Variants in CDC42BPB observed in about 807,000 individuals in gnomAD.
The protein encoded by CDC42BPB is CDC42 binding protein kinase beta.
A neutral mutation model predicts 214.9 loss-of-function variants in CDC42BPB; 37 were observed. That is an observed-to-expected ratio of 0.17 (90% CI 0.13 to 0.23). CDC42BPB has a LOEUF of 0.23. Ranked by LOEUF, CDC42BPB falls within the 10% of genes least tolerant of loss-of-function variation. The pLI, the probability that CDC42BPB is intolerant of heterozygous loss-of-function variation, is 1.00. For synonymous variants in CDC42BPB, 931 were observed against 884.0 expected, an observed-to-expected ratio of 1.05 and a Z score of -0.94; for missense variants, 1,694 against 2,227.0, an observed-to-expected ratio of 0.76 and a Z score of 4.82.
intron 2 of CDC42BPB, among the ~76,000 whole-genome samples, chr14:103,011,165 C>T (rs1467933157): frequency 6.6e-6 from 1 of 152,242 alleles, no homozygotes; most frequent in Non-Finnish European, 1.5e-5. Flanking sequence ...CGAGGCAGGT[C>T]TGTGGAGATG....
intron 19 of CDC42BPB, among the ~76,000 whole-genome samples, chr14:102,964,187 C>A (rs558045205): frequency 1.3e-5 from 2 of 152,368 alleles, no homozygotes; most frequent in East Asian, 3.9e-4. Flanking sequence ...AGAGGGGCTC[C>A]TGTCAGACAG....
At chr14:102,952,670 G>A in intron 23 of CDC42BPB, 67 bp from the exon 24 acceptor site, 1 of 1,568,494 alleles carries the variant, frequency 6.4e-7, no homozygotes, top group African/African-American at 1.3e-5. Context: ...CCATCTGCCT[G>A]TGATCCAGTT....
intron 13 of CDC42BPB, chr14:102,970,464 G>A: frequency 1.4e-6 from 1 of 734,396 alleles, no homozygotes; most frequent in Non-Finnish European, 1.7e-6. Context: ...ATAAAACAAG[G>A]TTCAATTCTA....
intron 7 of CDC42BPB, 100 bp downstream of exon 7, chr14:102,983,456 C>T (rs1894097528): frequency 6.5e-7 from 1 of 1,527,720 alleles, no homozygotes; most frequent in Non-Finnish European, 8.8e-7. Flanking sequence ...TCCTCAACTA[C>T]TCGCGTTGCT....
intron 11 of CDC42BPB, among the ~76,000 whole-genome samples, chr14:102,975,406 C>T (rs1205122265): frequency 1.3e-5 from 2 of 151,972 alleles, no homozygotes; most frequent in African/African-American, 4.8e-5. Context: ...GCCTGTAATC[C>T]CAGCTACTTG....
intron 1 of CDC42BPB, among the ~76,000 whole-genome samples, chr14:103,043,929 T>C (rs753176155): frequency 5.3e-5 from 8 of 152,252 alleles, no homozygotes; most frequent in Non-Finnish European, 1.2e-4. Flanking sequence ...CTTATCATTT[T>C]GGTTACATAA....
intron 1 of CDC42BPB, among the ~76,000 whole-genome samples, chr14:103,030,412 G>A (rs575625452): frequency 6.6e-6 from 1 of 152,288 alleles, no homozygotes; most frequent in African/African-American, 2.4e-5. Flanking sequence ...ATGTGTTCAG[G>A]TGGCCAGGCA....
chr14:103,025,861 G>A (rs1037907985), intron 1 of CDC42BPB, among the ~76,000 whole-genome samples: 11 of 150,548 alleles, frequency 7.3e-5, no homozygotes, highest in African/African-American at 2.4e-4. Flanking sequence ...TGAATCACAC[G>A]GATGTATGTG....
intron 1 of CDC42BPB, among the ~76,000 whole-genome samples, chr14:103,022,658 G>C (rs1224572587): frequency 6.6e-6 from 1 of 152,222 alleles, no homozygotes; most frequent in Non-Finnish European, 1.5e-5. Flanking sequence ...TGATCCAGCT[G>C]TTAGGGGGCA....
intron 1 of CDC42BPB, among the ~76,000 whole-genome samples, chr14:103,023,978 C>A (rs1886913712): frequency 6.6e-6 from 1 of 152,116 alleles, no homozygotes; most frequent in East Asian, 1.9e-4. Flanking sequence ...CGGTGCCCAC[C>A]CCGGCCCCAG....
intron 9 of CDC42BPB, 129 bp from the exon 10 acceptor site, chr14:102,976,178 T>C (rs1206535108): frequency 6.8e-7 from 1 of 1,462,144 alleles, no homozygotes. Context: ...GATAAGACTT[T>C]ATGGTTTATG....
At chr14:102,994,027 A>G (rs1894612777) in intron 5 of CDC42BPB, among the ~76,000 whole-genome samples, 1 of 152,210 alleles carries the variant, frequency 6.6e-6, no homozygotes, top group Non-Finnish European at 1.5e-5. Flanking sequence ...TCACATACAC[A>G]CGAAAAATGT....
chr14:102,984,295 G>A (rs966686415), intron 6 of CDC42BPB, among the ~76,000 whole-genome samples: 2 of 152,266 alleles, frequency 1.3e-5, no homozygotes, highest in East Asian at 1.9e-4. Context: ...TGTGCAGCAC[G>A]CAGGGAGTCT....
At position 102,944,542 on chromosome 14, in the gene CDC42BPB, G is replaced by A. The variant is rs1892060918; in HGVS notation, c.3812-55C>T. ...CGACGGGACAGCCAGCAGCTCCCAG[G>A]GGCTGACGGCCTTGGCTAAAGACTT... On this transcript the variant is annotated intron_variant, in intron 29 of 36. Transcript: ENST00000361246. The surrounding 1 kb of genome is among the most constrained non-coding windows in gnomAD (Gnocchi z 6.6). The A allele has an allele frequency of 4.5e-6, 7 of 1,565,846 alleles. No individual in the cohort carries two copies. The highest frequency in any genetic ancestry group is 5.2e-6 in the Non-Finnish European group (6 of 1,155,628).
At chr14:102,957,443 C>T (rs1892762045) in intron 21 of CDC42BPB, among the ~76,000 whole-genome samples, 1 of 152,174 alleles carries the variant, frequency 6.6e-6, no homozygotes, top group Non-Finnish European at 1.5e-5. Flanking sequence ...AGTGATCAAG[C>T]ACCATCTCTG....
intron 21 of CDC42BPB, among the ~76,000 whole-genome samples, chr14:102,959,384 C>G (rs941546883): frequency 6.6e-6 from 1 of 151,996 alleles, no homozygotes; most frequent in Non-Finnish European, 1.5e-5. Context: ...AATCTCATCT[C>G]TACTTAATCT....
intron 28 of CDC42BPB, among the ~76,000 whole-genome samples, chr14:102,946,096 C>A (rs936241916): frequency 1.3e-5 from 2 of 151,746 alleles, no homozygotes; most frequent in Admixed American, 6.6e-5. Flanking sequence ...GTAAGCTCTG[C>A]CTCCTGGGTT....
chr14:103,036,150 A>T (rs1169499843), intron 1 of CDC42BPB, among the ~76,000 whole-genome samples: 3 of 147,412 alleles, frequency 2.0e-5, no homozygotes, highest in African/African-American at 7.6e-5. Context: ...AAAATAAAAT[A>T]TTCTTTTTTT....
chr14:103,056,647 G>A (rs1165445182), intron 1 of CDC42BPB, among the ~76,000 whole-genome samples: 32 of 145,312 alleles, frequency 2.2e-4, no homozygotes, highest in African/African-American at 7.4e-4. Context: ...GTGGATCTAG[G>A]AAGCCGCCAG....
Sources: gnomAD v4.1 joint callset for allele counts (sites outside exome capture counted in the v4.1 genomes callset) on GRCh38, gnomAD v4.1.1 for gene constraint, Gnocchi (gnomAD v3.1) non-coding constraint, MANE v1.5 for transcripts, NCBI Gene and HGNC (gene_info 2026-07-23, HGNC 2026-07-21) for gene names.